Variants in LOXHD1 observed in about 807,000 individuals in gnomAD.
LOXHD1 encodes lipoxygenase homology domain-containing protein 1.
A neutral mutation model predicts 248.2 loss-of-function variants in LOXHD1; 205 were observed. The ratio of observed to expected loss-of-function variants is 0.83; its 90% CI spans 0.74 to 0.93. The LOEUF (loss-of-function observed/expected upper bound fraction) is 0.93, where lower values mean the gene tolerates loss of function less well. Ranked by LOEUF, LOXHD1 falls within the 40% of genes least tolerant of loss-of-function variation. LOXHD1 has a pLI of 0.00. For missense variants in LOXHD1, 2,930 were observed against 2,971.6 expected (o/e 0.99, Z 0.33); for synonymous variants, 1,113 against 1,162.8 (o/e 0.96, Z 0.87).
At chr18:46,510,165 C>A (rs1255871705) in intron 34 of LOXHD1, among the ~76,000 whole-genome samples, 1 of 152,192 alleles carries the variant, frequency 6.6e-6, no homozygotes, top group Non-Finnish European at 1.5e-5. Flanking sequence ...TCTCACAAAA[C>A]TGTGATGGAG....
rs764018106 is a variant in LOXHD1 at position 46,521,159 on chromosome 18, C to T, written c.5209G>A (p.Asp1737Asn). 25 of 1,551,614 alleles carry T rather than the reference C, an allele frequency of 1.6e-5. No homozygotes were observed. Among genetic ancestry groups the T allele is most frequent in the South Asian group, 7.1e-5 (6 of 84,062 alleles). The change falls in exon 33 of 41, where the codon GAC becomes AAC. Residue 1737 changes from aspartate (D) to asparagine (N), a missense_variant. By Grantham distance (23) the Asp-to-Asn change is conservative. Coordinates refer to ENST00000642948, the MANE Select transcript of LOXHD1 (RefSeq NM_001384474.1). ...TCGAAGACACGGGAGGTGATGCCGT[C>T]GCCTCTGTCCTTGGCCAGCCAGCAG... Reference protein sequence around the residue: ...CNCWLAKDRGDGITSRVFDLL... With the variant: ...CNCWLAKDRGNGITSRVFDLL...
chr18:46,601,637 T>A, intron 7 of LOXHD1, 170 bp from the exon 8 acceptor site: 1 of 799,774 alleles, frequency 1.3e-6, no homozygotes, highest in Non-Finnish European at 2.0e-6. Context: ...CCTCTCGACC[T>A]CATTTCATCT....
rs571081471 is a variant in LOXHD1 at position 46,521,086 on chromosome 18, GC to G, written c.5271+10del. ...TGGCCATGCACTGCACACTCACAGT[GC>G]CCCCCCTACCTTCACCCCAATGTTC... On this transcript the variant is annotated intron_variant, in intron 33 of 40. Transcript: ENST00000642948. 9.7e-6 allele frequency: 15 copies of G among 1,550,928 alleles called. No homozygotes were observed. The highest frequency in any genetic ancestry group is 1.3e-5 in the Non-Finnish European group (15 of 1,146,534).
chr18:46,540,114 T>C (rs2144342789), intron 25 of LOXHD1, among the ~76,000 whole-genome samples: 1 of 152,280 alleles, frequency 6.6e-6, no homozygotes, highest in South Asian at 2.1e-4. Flanking sequence ...AGGGAGTAGG[T>C]ATTATTACAC....
rs141749060 is a variant in LOXHD1 at position 46,485,053 on chromosome 18, T to C, written c.6148A>G (p.Met2050Val). The part of the protein sequence containing the change: ...GRKNRSKEFL[M>V]ENSSRQRAFR... ...GCCCGCTGCCTAGAAGAATTTTCCA[T>C]GAGAAACTCTTTGGATCGGTTCTTC... is the stretch of plus-strand genomic sequence containing the variant. Residue 2050 changes from methionine to valine, a missense_variant, in exon 39 of 41, where the codon ATG becomes GTG. Met to Val is a conservative substitution (Grantham distance 21, BLOSUM62 1). Transcript: ENST00000642948. 1.6e-5 allele frequency: 25 copies of C among 1,550,532 alleles called. No homozygotes were observed. In the African/African-American group the frequency reaches 2.3e-4, roughly 14 times the overall value.
At chr18:46,595,966 C>A (rs1035100917) in intron 8 of LOXHD1, among the ~76,000 whole-genome samples, 1 of 152,052 alleles carries the variant, frequency 6.6e-6, no homozygotes, top group African/African-American at 2.4e-5. Flanking sequence ...TGGTTCTAAA[C>A]ATATAGTAAG....
intron 37 of LOXHD1, among the ~76,000 whole-genome samples, chr18:46,495,653 C>T (rs970899838): frequency 3.9e-5 from 6 of 152,076 alleles, no homozygotes; most frequent in African/African-American, 1.4e-4. Context: ...ACTCAGTATA[C>T]AGTACTAAGG....
chr18:46,631,521 G>A (rs1258239501), intron 4 of LOXHD1, among the ~76,000 whole-genome samples: 2 of 152,210 alleles, frequency 1.3e-5, no homozygotes, highest in Non-Finnish European at 2.9e-5. Context: ...CAGAGGAAGT[G>A]GGTAATGCCG....
At chr18:46,521,396 C>T (rs2035574043) in intron 32 of LOXHD1, 114 bp from the exon 33 acceptor site, 2 of 1,147,804 alleles carry the variant, frequency 1.7e-6, no homozygotes, top group Admixed American at 2.0e-5. Flanking sequence ...ACTTGCTGGC[C>T]CAGGTCCCTC....
rs1406436518 is a variant in LOXHD1, at chr18:46,529,282, C to G, written c.4425G>C (p.Gly1475=). The G allele has an allele frequency of 3.2e-6, 5 of 1,551,622 alleles. No homozygotes were observed. Among genetic ancestry groups the G allele is most frequent in the Non-Finnish European group, 4.4e-6 (5 of 1,146,970 alleles). ...QIFTGNIPGA[G]TDAKVYITIY... ...TGGTGATGTACACCTTGGCATCCGTCCCTGCCCCAGGAATGTTCCCTGTGA... is the reference window on the plus strand; with the variant it reads ...TGGTGATGTACACCTTGGCATCCGTGCCTGCCCCAGGAATGTTCCCTGTGA... Residue 1475 remains glycine (G), a synonymous_variant, in exon 29 of 41, where the codon GGG becomes GGC. Coordinates refer to ENST00000642948, the MANE Select transcript of LOXHD1 (RefSeq NM_001384474.1).
At chr18:46,566,055 T>C (rs1192486540) in intron 17 of LOXHD1, among the ~76,000 whole-genome samples, 2 of 152,216 alleles carry the variant, frequency 1.3e-5, no homozygotes, top group Non-Finnish European at 2.9e-5. Context: ...GGGTCCTCAG[T>C]TTCCTCATCT....
chr18:46,599,593 A>C lies in LOXHD1; in HGVS notation c.1134+1624T>G, dbSNP rs548929998. ...TTAGTCATAAAGGAAAAGATTGATA[A>C]ACTAGATACTTTTAAATTAAATCTC... On this transcript the variant is annotated intron_variant, in intron 8 of 40. Transcript: ENST00000642948. Among the ~76,000 whole-genome samples the C allele has an allele frequency of 5.9e-5, 9 of 152,312 alleles. No homozygotes were observed. In the East Asian group the frequency reaches 1.7e-3, roughly 29 times the overall value.
intron 18 of LOXHD1, among the ~76,000 whole-genome samples, chr18:46,560,859 C>T (rs1019219666): frequency 3.9e-5 from 6 of 152,118 alleles, no homozygotes; most frequent in Admixed American, 6.5e-5. Flanking sequence ...CGCACGCGCG[C>T]GCGCGCGCCT....
In LOXHD1 at chr18:46,566,332, A is replaced by G; in HGVS notation, c.2362T>C (p.Trp788Arg). ...CCGTCAGCCTGGTTCTTGTCCAGCC[A>G]GCGGTTGGCGGGAAAGGTGTACTGC... is the stretch of plus-strand genomic sequence containing the variant. ...GKQYTFPANRWLDKNQADGRL... is the reference protein window; with the variant it reads ...GKQYTFPANRRLDKNQADGRL... The change falls in exon 17 of 41, where the codon TGG (tryptophan) becomes CGG (arginine). Residue 788 changes from tryptophan to arginine, a missense_variant. Coordinates refer to ENST00000642948, the MANE Select transcript of LOXHD1 (RefSeq NM_001384474.1). The G allele has an allele frequency of 1.3e-6, 2 of 1,551,888 alleles. No individual in the cohort carries two copies. The highest frequency in any genetic ancestry group is 1.7e-6 in the Non-Finnish European group (2 of 1,147,028).
intron 4 of LOXHD1, among the ~76,000 whole-genome samples, chr18:46,632,726 G>A (rs927032909): frequency 2.6e-5 from 4 of 152,252 alleles, no homozygotes; most frequent in Non-Finnish European, 2.9e-5. Flanking sequence ...TAATAAATGC[G>A]GATATGCTGG....
At chr18:46,620,545 G>C (rs2144333243) in intron 4 of LOXHD1, among the ~76,000 whole-genome samples, 1 of 152,270 alleles carries the variant, frequency 6.6e-6, no homozygotes, top group East Asian at 1.9e-4. Context: ...TTATAAAGCA[G>C]ATTTTCACTC....
chr18:46,621,431 C>T (rs986434221), intron 4 of LOXHD1, among the ~76,000 whole-genome samples: 10 of 152,324 alleles, frequency 6.6e-5, no homozygotes, highest in African/African-American at 2.4e-4. Flanking sequence ...CAATGCCGGC[C>T]CTGATCTGTG....
intron 20 of LOXHD1, chr18:46,559,173 G>A (rs2037453485): frequency 2.1e-6 from 3 of 1,426,676 alleles, no homozygotes; most frequent in East Asian, 3.3e-5. Flanking sequence ...TCCCTACCAA[G>A]TGCCTCAGCA....
intron 8 of LOXHD1, among the ~76,000 whole-genome samples, chr18:46,595,919 G>A (rs1049078895): frequency 3.3e-5 from 5 of 152,088 alleles, no homozygotes; most frequent in African/African-American, 7.2e-5. Context: ...AAAAGTCTGA[G>A]GTTGTGTGTT....
Sources: allele counts gnomAD v4.1 joint callset (sites outside exome capture counted in the v4.1 genomes callset), GRCh38; gene constraint gnomAD v4.1.1; transcripts MANE v1.5; gene names NCBI Gene and HGNC (gene_info 2026-07-23, HGNC 2026-07-21).